RANBP17: variants seen among roughly 807,000 people sequenced by gnomAD.
The protein encoded by RANBP17 is ran-binding protein 17.
Under a neutral mutation model 141.2 loss-of-function variants are expected in RANBP17, and 158 were observed. The ratio of observed to expected loss-of-function variants is 1.12; its 90% CI spans 0.98 to 1.28. The LOEUF (loss-of-function observed/expected upper bound fraction) is 1.28. RANBP17 is among the 50% of genes most tolerant of loss of function. The pLI is 0.00. For synonymous variants in RANBP17, 430 were observed against 450.0 expected (o/e 0.96, Z 0.56); for missense variants, 1,438 against 1,290.7 (o/e 1.11, Z -1.75).
rs1041650091 is a variant in RANBP17, at chr5:171,299,102, C to T, written c.*244C>T. 7.5e-6 allele frequency: 3 copies of T among 399,998 alleles called. No individual in the cohort carries two copies. Among genetic ancestry groups the T allele is most frequent in the Non-Finnish European group, 9.1e-6 (2 of 219,990 alleles). 24.8% of individuals were successfully genotyped at this position (399,998 alleles called of 1,614,324 possible). A position where few individuals can be genotyped will look rare whatever the true frequency, so the allele number is the denominator to read the frequency against. On this transcript the variant is annotated 3_prime_UTR_variant, in exon 28 of 28. Coordinates refer to ENST00000523189, the MANE Select transcript of RANBP17 (RefSeq NM_022897.5). ...TTTCAGTCTTTCTATCAAATATTAT[C>T]TTTGTTCTCCTAATGCTCTGAAAGG...
At chr5:171,074,939 G>C (rs868565053) in intron 14 of RANBP17, among the ~76,000 whole-genome samples, 40 of 152,290 alleles carry the variant, frequency 2.6e-4, no homozygotes, top group African/African-American at 7.2e-4. Flanking sequence ...TGCACATGCT[G>C]TCTCAATCCA....
chr5:171,137,620 G>A (rs970590744), intron 14 of RANBP17, among the ~76,000 whole-genome samples: 1 of 148,062 alleles, frequency 6.8e-6, no homozygotes, highest in Non-Finnish European at 1.5e-5. Context: ...GTGTGTGTGT[G>A]TGTGTCTGTG....
intron 14 of RANBP17, among the ~76,000 whole-genome samples, chr5:171,089,562 C>T (rs1213876802): frequency 2.0e-4 from 30 of 152,072 alleles, no homozygotes; most frequent in East Asian, 1.8e-3. Context: ...CCCGGCCTCG[C>T]TGCTGCCTTG....
At chr5:171,267,484 G>A (rs1376212385) in intron 25 of RANBP17, among the ~76,000 whole-genome samples, 2 of 151,972 alleles carry the variant, frequency 1.3e-5, no homozygotes, top group Admixed American at 1.3e-4. Context: ...CTATATGACC[G>A]TTAGGGAGCA....
intron 14 of RANBP17, among the ~76,000 whole-genome samples, chr5:171,146,457 A>G (rs1188378395): frequency 6.6e-6 from 1 of 152,238 alleles, no homozygotes; most frequent in Non-Finnish European, 1.5e-5. Context: ...TTAGGGGTCA[A>G]CATAGTTAAG....
At chr5:171,104,107 G>A (rs550195077) in intron 14 of RANBP17, among the ~76,000 whole-genome samples, 10 of 152,248 alleles carry the variant, frequency 6.6e-5, no homozygotes, top group East Asian at 5.8e-4. Context: ...GCACAATCTC[G>A]GCTCACTGAA....
chr5:171,051,811 A>G (rs556301214), intron 14 of RANBP17, among the ~76,000 whole-genome samples: 4 of 152,178 alleles, frequency 2.6e-5, no homozygotes, highest in Admixed American at 6.5e-5. Context: ...CTGTCAAACT[A>G]TTTTCCATGA....
At chr5:171,093,112 A>G (rs1786422901) in intron 14 of RANBP17, among the ~76,000 whole-genome samples, 1 of 152,086 alleles carries the variant, frequency 6.6e-6, no homozygotes, top group African/African-American at 2.4e-5. Context: ...TGGGAGGCTA[A>G]GGCCGGAGAA....
In RANBP17 at chr5:170,925,533, A is replaced by T. The variant is rs561841902; in HGVS notation, c.1468+983A>T. ...ATCAAATTCATATAAAAGGATATTTATATATATTGAGACATACAGAATAGC... is the reference window on the plus strand; with the variant it reads ...ATCAAATTCATATAAAAGGATATTTTTATATATTGAGACATACAGAATAGC... On this transcript the variant is annotated intron_variant, in intron 12 of 27. Coordinates refer to ENST00000523189, the MANE Select transcript of RANBP17 (RefSeq NM_022897.5). 2.0e-5 allele frequency among the ~76,000 whole-genome samples: 3 copies of T among 152,272 alleles called. No individual in the cohort carries two copies. In the South Asian group the frequency reaches 6.2e-4, roughly 32 times the overall value.
chr5:170,929,747 T>C (rs182771403), intron 12 of RANBP17, among the ~76,000 whole-genome samples: 1 of 152,326 alleles, frequency 6.6e-6, no homozygotes, highest in African/African-American at 2.4e-5. Context: ...GTGTTTCCTC[T>C]TCCTCCTCTA....
At chr5:170,917,210 T>TGTCC (rs1398008106) in intron 9 of RANBP17, among the ~76,000 whole-genome samples, 2 of 152,274 alleles carry the variant, frequency 1.3e-5, no homozygotes, top group Non-Finnish European at 2.9e-5. Context: ...TAATTCAGTA[T>TGTCC]GTCCACCTTA....
chr5:171,262,716 G>A (rs1355087780), intron 24 of RANBP17, among the ~76,000 whole-genome samples: 3 of 152,086 alleles, frequency 2.0e-5, no homozygotes, highest in Non-Finnish European at 4.4e-5. Context: ...CACCTTATTA[G>A]TGCTACAGAA....
At chr5:171,014,630 A>G (rs1780311039) in intron 14 of RANBP17, among the ~76,000 whole-genome samples, 1 of 152,024 alleles carries the variant, frequency 6.6e-6, no homozygotes. Context: ...TTTTACTTAT[A>G]TATACATTAT....
At chr5:170,968,450 A>G (rs749288288) in intron 14 of RANBP17, 73 bp downstream of exon 14, 4 of 1,366,754 alleles carry the variant, frequency 2.9e-6, no homozygotes, top group Non-Finnish European at 4.2e-6. Flanking sequence ...ACTGAATGAT[A>G]TATTTGGGAA....
intron 1 of RANBP17, among the ~76,000 whole-genome samples, chr5:170,876,349 G>T (rs373954913): frequency 1.3e-5 from 2 of 152,118 alleles, no homozygotes; most frequent in Non-Finnish European, 2.9e-5. Context: ...GGGAGCCTCC[G>T]ATCGCCACTG....
chr5:171,133,653 G>T (rs1178937492), intron 14 of RANBP17, among the ~76,000 whole-genome samples: 1 of 152,148 alleles, frequency 6.6e-6, no homozygotes, highest in African/African-American at 2.4e-5. Flanking sequence ...ACCCATGTGG[G>T]CATAGGCTAC....
rs552508987 is a variant in RANBP17, at chr5:171,070,319, A to G, written c.1711-99811A>G. Among the ~76,000 whole-genome samples, 192 of 152,266 alleles carry G rather than the reference A, an allele frequency of 1.3e-3. 1 individual carries two copies. The highest frequency in any genetic ancestry group is 0.01 in the Middle Eastern group (3 of 294). ...TGATTGCCATTTTTGTTCCTTTTTCAATATACTTAGTAGCCCTTCCTCAAA... is the reference window on the plus strand; with the variant it reads ...TGATTGCCATTTTTGTTCCTTTTTCGATATACTTAGTAGCCCTTCCTCAAA... On this transcript the variant is annotated intron_variant, in intron 14 of 27. Coordinates refer to ENST00000523189, the MANE Select transcript of RANBP17 (RefSeq NM_022897.5).
At chr5:171,160,586 G>A (rs1364964374) in intron 14 of RANBP17, among the ~76,000 whole-genome samples, 2 of 152,100 alleles carry the variant, frequency 1.3e-5, no homozygotes, top group Non-Finnish European at 2.9e-5. Flanking sequence ...TTAGTAAGTG[G>A]CAGAATCTCA....
chr5:170,877,060 G>A (rs1768240098), intron 1 of RANBP17, among the ~76,000 whole-genome samples: 1 of 152,040 alleles, frequency 6.6e-6, no homozygotes, highest in African/African-American at 2.4e-5. Context: ...GTTTCCATGT[G>A]TCCCAGATCG....
Sources: gnomAD v4.1 joint callset for allele counts (sites outside exome capture counted in the v4.1 genomes callset) on GRCh38, gnomAD v4.1.1 for gene constraint, MANE v1.5 for transcripts, NCBI Gene and HGNC (gene_info 2026-07-23, HGNC 2026-07-21) for gene names.